KATNB1: variants seen among roughly 807,000 people sequenced by gnomAD.
KATNB1 encodes katanin regulatory subunit B1, also known as katanin p80 WD40 repeat-containing subunit B1.
Under a neutral mutation model 82.3 loss-of-function variants are expected in KATNB1, and 38 were observed. The observed-to-expected ratio is 0.46, with a 90% CI of 0.36 to 0.61. The LOEUF is 0.61. Ranked by LOEUF, KATNB1 falls within the 20% of genes least tolerant of loss-of-function variation. The pLI is 0.00. For missense variants in KATNB1, 749 were observed against 915.7 expected, an observed-to-expected ratio of 0.82 and a Z score of 2.35; for synonymous variants, 361 against 368.7, an observed-to-expected ratio of 0.98 and a Z score of 0.24.
At chr16:57,749,107 G>A (rs2148793213) in intron 4 of KATNB1, among the ~76,000 whole-genome samples, 1 of 152,376 alleles carries the variant, frequency 6.6e-6, no homozygotes, top group South Asian at 2.1e-4. Context: ...GCGCCAGACA[G>A]GGCCAGCTGC....
chr16:57,756,810 A>G lies in KATNB1; in HGVS notation c.1836-4A>G, dbSNP rs2049294387. ...TAGCCCCTCAGGCACTGCCCTCTCT[A>G]CAGGCTGCATAAGTGCCGGCTCTGC... is the stretch of plus-strand genomic sequence containing the variant. On this transcript the variant is annotated splice_polypyrimidine_tract_variant and splice_region_variant and intron_variant, in intron 19 of 19. Coordinates refer to ENST00000379661, the MANE Select transcript of KATNB1 (RefSeq NM_005886.3). 1 of 1,560,288 alleles carries G rather than the reference A, an allele frequency of 6.4e-7. No homozygotes were observed. The highest frequency in any genetic ancestry group is 8.7e-7 in the Non-Finnish European group (1 of 1,150,370).
At chr16:57,741,465 G>A (rs1555579392) in intron 2 of KATNB1, among the ~76,000 whole-genome samples, 2 of 152,238 alleles carry the variant, frequency 1.3e-5, no homozygotes, top group African/African-American at 4.8e-5. Context: ...AGGAAAGACA[G>A]GCATGATGAA....
intron 3 of KATNB1, among the ~76,000 whole-genome samples, chr16:57,742,975 T>C (rs782567300): frequency 2.0e-5 from 3 of 152,188 alleles, no homozygotes; most frequent in Non-Finnish European, 4.4e-5. Flanking sequence ...AGTATCATTG[T>C]TGTGACTCTT....
intron 12 of KATNB1, 65 bp downstream of exon 12, chr16:57,753,584 C>G (rs930308987): frequency 3.1e-5 from 49 of 1,585,390 alleles, no homozygotes; most frequent in Non-Finnish European, 4.0e-5. Context: ...GGGGGTCCTT[C>G]CAGGGTAGCC....
intron 4 of KATNB1, 35 bp from the exon 5 acceptor site, chr16:57,750,792 C>T: frequency 6.4e-7 from 1 of 1,558,782 alleles, no homozygotes; most frequent in Non-Finnish European, 8.9e-7. Context: ...TCTCATTTGC[C>T]TCTTAGCCAC....
intron 4 of KATNB1, among the ~76,000 whole-genome samples, chr16:57,747,803 C>T (rs1342544325): frequency 1.3e-5 from 2 of 152,166 alleles, no homozygotes; most frequent in Non-Finnish European, 2.9e-5. Context: ...AAGCCGAGGG[C>T]GCCGTGCCCC....
chr16:57,752,143 C>A, intron 8 of KATNB1, 88 bp downstream of exon 8: 1 of 848,140 alleles, frequency 1.2e-6, no homozygotes, highest in Non-Finnish European at 1.9e-6. Context: ...CGGTCTGTCG[C>A]TGTCTGGGGT....
In KATNB1 at chr16:57,740,951, G is replaced by A. The variant is rs528972903; in HGVS notation, c.41-736G>A. On this transcript the variant is annotated intron_variant, in intron 2 of 19. Transcript: ENST00000379661. ...GCCTGCTACTAAGCAGCACGTAGGCGCGCTCTGAGGGAGTCCTCAGCATCA... is the reference window on the plus strand; with the variant it reads ...GCCTGCTACTAAGCAGCACGTAGGCACGCTCTGAGGGAGTCCTCAGCATCA... 6.6e-5 allele frequency among the ~76,000 whole-genome samples: 10 copies of A among 152,378 alleles called. No homozygotes were observed. In the East Asian group the frequency reaches 9.6e-4, roughly 15 times the overall value.
At chr16:57,752,737 T>C in intron 9 of KATNB1, 41 bp from the exon 10 acceptor site, 1 of 1,598,026 alleles carries the variant, frequency 6.3e-7, no homozygotes, top group South Asian at 1.1e-5. Context: ...GGGACCAGGC[T>C]GGGTGCCACA....
intron 2 of KATNB1, among the ~76,000 whole-genome samples, chr16:57,739,890 C>T (rs1562792): frequency 0.13 from 19,448 of 152,164 alleles, 1,596 homozygotes; most frequent in Non-Finnish European, 0.16. Flanking sequence ...CCAGGGGCAG[C>T]AGTCCTGAGG....
Position 57,753,984 on chromosome 16 carries a change from C to A in KATNB1, c.1217C>A (p.Pro406His). 4 of 1,613,628 alleles carry A rather than the reference C, an allele frequency of 2.5e-6. No individual in the cohort carries two copies. Among genetic ancestry groups the A allele is most frequent in the Non-Finnish European group, 3.4e-6 (4 of 1,179,880 alleles). ...PPRRSEPFPA[P>H]PEDDAATAKE... ...CGGAGAAGTGAGCCCTTCCCTGCACCCCCAGAGGACGGTGAGTTGGGTGAG... is the reference window on the plus strand; with the variant it reads ...CGGAGAAGTGAGCCCTTCCCTGCACACCCAGAGGACGGTGAGTTGGGTGAG... The change falls in exon 13 of 20, where the codon CCC becomes CAC. Residue 406 changes from proline to histidine, a missense_variant. Pro to His is a moderately conservative substitution (Grantham distance 77, BLOSUM62 -2). Coordinates refer to ENST00000379661, the MANE Select transcript of KATNB1 (RefSeq NM_005886.3).
Position 57,756,398 on chromosome 16 carries a change from G to A in KATNB1, c.1761G>A (p.Gln587=). 6.2e-7 allele frequency: 1 copy of A among 1,614,036 alleles called. No individual in the cohort carries two copies. The highest frequency in any genetic ancestry group is 8.5e-7 in the Non-Finnish European group (1 of 1,180,010). ...TGCTSLKLIL[Q]RFLPLITDML... Reference sequence around the variant, plus strand: ...GCACCTCCCTGAAGCTGATCCTGCAGCGGTTTCTGCCCCTCATCACAGACA... The same window carrying A: ...GCACCTCCCTGAAGCTGATCCTGCAACGGTTTCTGCCCCTCATCACAGACA... Residue 587 remains glutamine, a synonymous_variant, in exon 19 of 20, where the codon CAG becomes CAA. Coordinates refer to ENST00000379661, the MANE Select transcript of KATNB1 (RefSeq NM_005886.3).
chr16:57,747,087 G>A (rs1407615278), intron 4 of KATNB1, among the ~76,000 whole-genome samples: 1 of 152,110 alleles, frequency 6.6e-6, no homozygotes, highest in Non-Finnish European at 1.5e-5. Context: ...TCTCCATGTT[G>A]GCCAGGCTGG....
chr16:57,752,832 A>G lies in KATNB1; in HGVS notation c.759A>G (p.Ser253=). 6.2e-7 allele frequency: 1 copy of G among 1,611,250 alleles called. No individual in the cohort carries two copies. The highest frequency in any genetic ancestry group is 8.5e-7 in the Non-Finnish European group (1 of 1,179,840). Residue 253 remains serine (S), a synonymous_variant, in exon 10 of 20, where the codon TCA becomes TCG. Coordinates refer to ENST00000379661, the MANE Select transcript of KATNB1 (RefSeq NM_005886.3). ...GCCLYSGCQD[S]LRVYGWEPER... is the part of the protein sequence containing the mutation. ...GCCTGTACAGCGGCTGCCAGGACTC[A>G]CTGCGTGTCTACGGCTGGGAACCTG...
intron 18 of KATNB1, 70 bp downstream of exon 18, chr16:57,756,136 A>C (rs868924535): frequency 3.1e-5 from 48 of 1,530,612 alleles, no homozygotes; most frequent in Middle Eastern, 1.7e-4. Flanking sequence ...CTCCAGAACC[A>C]TGGGAAGGAC....
Position 57,751,869 on chromosome 16 carries a change from G to T in KATNB1, c.517-71G>T. The stretch of plus-strand genomic sequence containing the variant: ...AGGTAGCTTGTGGATAAAGAGCTTG[G>T]CCTGGATTAGAGGGAGGGTGGGCAG... On this transcript the variant is annotated intron_variant, in intron 7 of 19. Coordinates refer to ENST00000379661, the MANE Select transcript of KATNB1 (RefSeq NM_005886.3). This position sits in a 1 kb window ranked among gnomAD's most constrained non-coding sequence, Gnocchi z 6.3. 7.0e-7 allele frequency: 1 copy of T among 1,427,252 alleles called. No individual in the cohort carries two copies. The highest frequency in any genetic ancestry group is 9.8e-7 in the Non-Finnish European group (1 of 1,019,494). 88.4% of individuals were successfully genotyped at this position (1,427,252 alleles called of 1,614,324 possible).
rs1555585146 is a variant in KATNB1 at position 57,755,012 on chromosome 16, G to A, written c.1296+15G>A. The A allele has an allele frequency of 1.2e-6, 2 of 1,613,924 alleles. No homozygotes were observed. Among genetic ancestry groups the A allele is most frequent in the Non-Finnish European group, 1.7e-6 (2 of 1,180,026 alleles). ...CGGTGCCAAATGTATGTCCATGGAG[G>A]GAGCATGGTGTGGGGCCTAGAGAAG... On this transcript the variant is annotated intron_variant, in intron 14 of 19. Coordinates refer to ENST00000379661, the MANE Select transcript of KATNB1 (RefSeq NM_005886.3).
intron 15 of KATNB1, 42 bp downstream of exon 15, chr16:57,755,280 G>A (rs543666514): frequency 1.2e-6 from 2 of 1,610,640 alleles, no homozygotes; most frequent in African/African-American, 1.3e-5. Context: ...GAGGTCTGTG[G>A]GTGGAGGGCA....
intron 2 of KATNB1, 123 bp downstream of exon 2, chr16:57,737,406 G>A: frequency 1.9e-6 from 2 of 1,054,204 alleles, no homozygotes; most frequent in Non-Finnish European, 2.8e-6. Flanking sequence ...AGACTTGGGA[G>A]TAAGATAGAC....
Sources: allele counts gnomAD v4.1 joint callset (sites outside exome capture counted in the v4.1 genomes callset), GRCh38; gene constraint gnomAD v4.1.1; non-coding constraint Gnocchi (gnomAD v3.1); transcripts MANE v1.5; gene names NCBI Gene and HGNC (gene_info 2026-07-23, HGNC 2026-07-21).